STPG1: variants seen among roughly 807,000 people sequenced by gnomAD.
The protein encoded by STPG1 is O(6)-methylguanine-induced apoptosis 2.
Under a neutral mutation model 40.1 loss-of-function variants are expected in STPG1, and 33 were observed. The ratio of observed to expected loss-of-function variants is 0.82; its 90% CI spans 0.62 to 1.10. STPG1 has a LOEUF of 1.10. STPG1 is among the 50% of genes least tolerant of loss of function. The pLI is 0.00. For missense variants in STPG1, 396 were observed against 415.1 expected (o/e 0.95, Z 0.40); for synonymous variants, 150 against 155.0 (o/e 0.97, Z 0.24).
chr1:24,400,219 A>G (rs1643167063), intron 2 of STPG1, among the ~76,000 whole-genome samples: 1 of 152,266 alleles, frequency 6.6e-6, no homozygotes, highest in African/African-American at 2.4e-5. Flanking sequence ...ACAAACCAAC[A>G]TGAAGTTAAA....
intron 5 of STPG1, among the ~76,000 whole-genome samples, chr1:24,376,981 C>T (rs1642056600): frequency 6.6e-6 from 1 of 152,084 alleles, no homozygotes; most frequent in South Asian, 2.1e-4. Flanking sequence ...GTCAGATTGG[C>T]TGGAAGCTGT....
At chr1:24,363,640 T>A (rs967597006) in intron 7 of STPG1, among the ~76,000 whole-genome samples, 5 of 152,232 alleles carry the variant, frequency 3.3e-5, no homozygotes, top group African/African-American at 9.6e-5. Flanking sequence ...ACTTGTAACA[T>A]TTGTTTAAAA....
At chr1:24,381,919 T>A (rs1642301913) in intron 4 of STPG1, among the ~76,000 whole-genome samples, 1 of 152,228 alleles carries the variant, frequency 6.6e-6, no homozygotes, top group African/African-American at 2.4e-5. Context: ...AGAGATCTCC[T>A]AATAGATCGC....
At chr1:24,396,260 T>C (rs1642995084) in intron 2 of STPG1, among the ~76,000 whole-genome samples, 1 of 139,552 alleles carries the variant, frequency 7.2e-6, no homozygotes, top group Non-Finnish European at 1.5e-5. Flanking sequence ...TATCTATCTA[T>C]CCATCTATAG....
chr1:24,384,112 G>C (rs1296352443), intron 3 of STPG1, 109 bp from the exon 4 acceptor site: 3 of 677,350 alleles, frequency 4.4e-6, no homozygotes, highest in Admixed American at 4.6e-5. Flanking sequence ...CACAGCACAG[G>C]CGCTACCACC....
intron 7 of STPG1, among the ~76,000 whole-genome samples, chr1:24,363,322 T>C (rs1641243819): frequency 6.6e-6 from 1 of 152,172 alleles, no homozygotes; most frequent in Admixed American, 6.5e-5. Context: ...GGATCTTTCA[T>C]GAGCACCAGC....
At chr1:24,382,840 T>C (rs1642346758) in intron 4 of STPG1, among the ~76,000 whole-genome samples, 1 of 151,868 alleles carries the variant, frequency 6.6e-6, no homozygotes, top group Non-Finnish European at 1.5e-5. Context: ...GTGCAAGAAA[T>C]TATTATAACT....
intron 3 of STPG1, among the ~76,000 whole-genome samples, chr1:24,388,188 G>T (rs569372815): frequency 6.6e-6 from 1 of 152,050 alleles, no homozygotes; most frequent in East Asian, 1.9e-4. Context: ...TTATTTTTAG[G>T]ATGAGGAAAC....
chr1:24,379,771 G>A lies in STPG1; in HGVS notation c.344C>T (p.Thr115Ile). ...ISKYPAANAY[T>I]IPSDFISKRD... ...CTTGGAAATAAAATCCGATGGGATA[G>A]TGTATGCATTCGCTGCAGGGTATTT... The change falls in exon 5 of 9, where the codon ACT becomes ATT. Residue 115 changes from threonine to isoleucine, a missense_variant. Thr to Ile is a moderately conservative substitution (Grantham distance 89). Transcript: ENST00000337248. 1 of 1,614,168 alleles carries A rather than the reference G, an allele frequency of 6.2e-7. No individual in the cohort carries two copies. Among genetic ancestry groups the A allele is most frequent in the Non-Finnish European group, 8.5e-7 (1 of 1,179,978 alleles).
intron 3 of STPG1, among the ~76,000 whole-genome samples, chr1:24,391,019 A>G (rs1642749110): frequency 6.6e-6 from 1 of 151,806 alleles, no homozygotes; most frequent in African/African-American, 2.4e-5. Flanking sequence ...GGGTTTTGCT[A>G]TGTTGCCTGG....
Position 24,373,762 on chromosome 1 carries a change from CGGCTCGA to C in STPG1, c.504_510del (p.Arg169GlyfsTer30). On this transcript the variant is annotated frameshift_variant, in exon 6 of 9. Coordinates refer to ENST00000337248, the MANE Select transcript of STPG1 (RefSeq NM_001199013.2). LOFTEE classifies it high-confidence loss of function. ...CCTCTTTGGGTTTTTGACATAAACCCGGCTCGAGTACAGACGTTGTTTCTCTGCTTGC... is the reference window on the plus strand; with the variant it reads ...CCTCTTTGGGTTTTTGACATAAACCCGTACAGACGTTGTTTCTCTGCTTGC... 1.2e-6 allele frequency: 2 copies of C among 1,612,806 alleles called. No individual in the cohort carries two copies.
chr1:24,365,059 T>A (rs1037221275), intron 7 of STPG1, among the ~76,000 whole-genome samples: 1 of 152,196 alleles, frequency 6.6e-6, no homozygotes, highest in African/African-American at 2.4e-5. Flanking sequence ...GGGCAGCCGA[T>A]TGCCTCTGGG....
upstream of STPG1, chr1:24,414,587 T>C (rs1277642819): frequency 7.6e-6 from 1 of 130,730 alleles, no homozygotes; most frequent in Non-Finnish European, 1.5e-5. Flanking sequence ...CCAGCTGGAG[T>C]GCAGTGGCGC....
chr1:24,380,477 T>G (rs1465073940), intron 4 of STPG1, among the ~76,000 whole-genome samples: 1 of 152,184 alleles, frequency 6.6e-6, no homozygotes, highest in African/African-American at 2.4e-5. Context: ...AGTGATAACA[T>G]CACTTTCCCC....
rs1643494348 is a variant in STPG1 at position 24,408,487 on chromosome 1, G to A, written c.-69+5187C>T. ...TTTAGGGTTCTCCCTATAAATTCTA[G>A]CCTCTTTGGCCTCTCTGAATTCTTA... On this transcript the variant is annotated intron_variant, in intron 1 of 8. Coordinates refer to ENST00000337248, the MANE Select transcript of STPG1 (RefSeq NM_001199013.2). Among the ~76,000 whole-genome samples, 5 of 152,106 alleles carry A rather than the reference G, an allele frequency of 3.3e-5. No homozygotes were observed. The South Asian group carries it at 8.3e-4, about 25-fold the overall frequency.
At chr1:24,413,213 A>C (rs1643806225) in intron 1 of STPG1, among the ~76,000 whole-genome samples, 1 of 152,234 alleles carries the variant, frequency 6.6e-6, no homozygotes, top group Non-Finnish European at 1.5e-5. Flanking sequence ...ACCAGGTTCC[A>C]ATCTCACCCT....
At chr1:24,398,827 C>T (rs1262232808) in intron 2 of STPG1, among the ~76,000 whole-genome samples, 1 of 151,924 alleles carries the variant, frequency 6.6e-6, no homozygotes, top group Non-Finnish European at 1.5e-5. Context: ...ACATTGAGAA[C>T]AATTTAAGGT....
intron 3 of STPG1, 136 bp from the exon 4 acceptor site, chr1:24,384,139 C>T (rs1222136618): frequency 5.1e-6 from 3 of 591,182 alleles, no homozygotes; most frequent in Non-Finnish European, 9.2e-6. Context: ...TGGGTGACAG[C>T]CTAGCTCCAC....
At chr1:24,414,986 T>C (rs1643953631), upstream of STPG1, 2 of 152,188 alleles carry the variant, frequency 1.3e-5, no homozygotes, top group African/African-American at 2.4e-5. Context: ...GAGCTTTCTC[T>C]GCCCCACGAT....
Sources: allele counts gnomAD v4.1 joint callset (sites outside exome capture counted in the v4.1 genomes callset), GRCh38; gene constraint gnomAD v4.1.1; transcripts MANE v1.5; gene names NCBI Gene and HGNC (gene_info 2026-07-23, HGNC 2026-07-21).